Variants in GALNT13 observed in about 807,000 individuals in gnomAD.
The protein encoded by GALNT13 is UDP-GalNAc:polypeptide N-acetylgalactosaminyltransferase 13.
GALNT13 carries 28 observed loss-of-function variants against 64.2 expected under a neutral mutation model. That is an observed-to-expected ratio of 0.44 (90% confidence interval 0.32 to 0.60). GALNT13 has a LOEUF of 0.60. Among genes scored for constraint, GALNT13 ranks in the 20% least tolerant of loss-of-function variants. The pLI is 0.05. For missense variants in GALNT13, 577 were observed against 669.8 expected (o/e 0.86, Z 1.53); for synonymous variants, 214 against 224.6 (o/e 0.95, Z 0.42).
chr2:153,191,556 G>A, the GALNT13 span, among the ~76,000 whole-genome samples: 2 of 151,988 alleles, frequency 1.3e-5, no homozygotes, highest in African/African-American at 4.8e-5. Context: ...GTCTGGTTTT[G>A]GTAGTAGGTT....
At chr2:153,167,942 C>T in the GALNT13 span, among the ~76,000 whole-genome samples, 25 of 152,198 alleles carry the variant, frequency 1.6e-4, no homozygotes, top group Admixed American at 6.5e-5. Flanking sequence ...GTTCTCAGGG[C>T]GAGAAACCAA....
At chr2:153,274,569 T>C in the GALNT13 span, among the ~76,000 whole-genome samples, 1 of 152,198 alleles carries the variant, frequency 6.6e-6, no homozygotes, top group Non-Finnish European at 1.5e-5. Context: ...TTGACACTGC[T>C]GTATATGCTG....
the GALNT13 span, among the ~76,000 whole-genome samples, chr2:153,719,821 A>G: frequency 4.4e-4 from 67 of 151,460 alleles, no homozygotes; most frequent in Admixed American, 3.2e-3. Context: ...CGCCCACGGA[A>G]TCTCGCTGAT....
intron 4 of GALNT13, among the ~76,000 whole-genome samples, chr2:154,165,625 T>C (rs985640104): frequency 2.6e-5 from 4 of 152,170 alleles, no homozygotes; most frequent in Non-Finnish European, 4.4e-5. Flanking sequence ...CAATTTAACT[T>C]AATAGGAATA....
At chr2:153,425,695 A>G in the GALNT13 span, among the ~76,000 whole-genome samples, 1 of 151,916 alleles carries the variant, frequency 6.6e-6, no homozygotes, top group Non-Finnish European at 1.5e-5. Context: ...CTATACATGT[A>G]AAAAGTAAAT....
At chr2:154,248,401 A>C (rs1321926011) in intron 7 of GALNT13, among the ~76,000 whole-genome samples, 1 of 152,076 alleles carries the variant, frequency 6.6e-6, no homozygotes, top group African/African-American at 2.4e-5. Flanking sequence ...ATTTTCCTTT[A>C]ATCAGTAATA....
chr2:153,181,181 AT>A, the GALNT13 span, among the ~76,000 whole-genome samples: 3 of 151,292 alleles, frequency 2.0e-5, no homozygotes, highest in Non-Finnish European at 4.4e-5. Flanking sequence ...ATTTTGCTGC[AT>A]CCCATAACTT....
At chr2:153,599,812 A>G in the GALNT13 span, among the ~76,000 whole-genome samples, 1 of 151,920 alleles carries the variant, frequency 6.6e-6, no homozygotes, top group Non-Finnish European at 1.5e-5. Context: ...TAATTTATGC[A>G]TCTCCTTGTT....
chr2:153,743,344 AC>A, the GALNT13 span, among the ~76,000 whole-genome samples: 7 of 152,120 alleles, frequency 4.6e-5, no homozygotes, highest in Non-Finnish European at 1.0e-4. Context: ...TGTGAATAGT[AC>A]TGCAATGAAC....
chr2:154,009,991 A>G (rs1235903341), intron 3 of GALNT13, among the ~76,000 whole-genome samples: 1 of 152,082 alleles, frequency 6.6e-6, no homozygotes, highest in Non-Finnish European at 1.5e-5. Context: ...AATGTTACTG[A>G]GTTTTATACA....
intron 3 of GALNT13, among the ~76,000 whole-genome samples, chr2:154,026,912 C>T (rs567735481): frequency 2.6e-5 from 4 of 152,044 alleles, no homozygotes; most frequent in Non-Finnish European, 4.4e-5. Context: ...ATCGAGCATC[C>T]GGAGAAGGAA....
At chr2:153,633,745 G>C in the GALNT13 span, among the ~76,000 whole-genome samples, 4 of 152,070 alleles carry the variant, frequency 2.6e-5, no homozygotes, top group African/African-American at 9.7e-5. Context: ...CCCAATCTTT[G>C]GAACTGTGAT....
chr2:154,284,505 C>T (rs1692146130), intron 8 of GALNT13, among the ~76,000 whole-genome samples: 1 of 135,752 alleles, frequency 7.4e-6, no homozygotes, highest in South Asian at 2.3e-4. Context: ...ATATATGTAT[C>T]TGTATACATA....
the GALNT13 span, among the ~76,000 whole-genome samples, chr2:153,739,256 C>A: frequency 6.6e-6 from 1 of 151,720 alleles, no homozygotes; most frequent in South Asian, 2.1e-4. Context: ...ATTACTATTA[C>A]CATCACAAAG....
chr2:154,258,170 T>G (rs1433973682), intron 7 of GALNT13, among the ~76,000 whole-genome samples: 1 of 152,186 alleles, frequency 6.6e-6, no homozygotes, highest in Non-Finnish European at 1.5e-5. Flanking sequence ...TAATTTGCAC[T>G]GCTTTTATAT....
chr2:154,148,456 G>A (rs1229764329), intron 4 of GALNT13, among the ~76,000 whole-genome samples: 1 of 152,166 alleles, frequency 6.6e-6, no homozygotes, highest in African/African-American at 2.4e-5. Context: ...TGGGATGGCT[G>A]AGTCAAATGG....
At chr2:153,229,598 GTTC>G in the GALNT13 span, among the ~76,000 whole-genome samples, 2 of 152,064 alleles carry the variant, frequency 1.3e-5, no homozygotes, top group Non-Finnish European at 2.9e-5. Context: ...ATTTTTGGTT[GTTC>G]TTTTATTACA....
intron 1 of GALNT13, among the ~76,000 whole-genome samples, chr2:153,899,935 A>ATATTT (rs1292303932): frequency 1.0e-5 from 1 of 98,170 alleles, no homozygotes; most frequent in Non-Finnish European, 1.9e-5. Context: ...ATATATATAT[A>ATATTT]TTTTTTTTTT....
intron 2 of GALNT13, among the ~76,000 whole-genome samples, chr2:153,917,128 A>T (rs1312885470): frequency 6.7e-6 from 1 of 148,962 alleles, no homozygotes; most frequent in Non-Finnish European, 1.5e-5. Flanking sequence ...AATTCTGTGC[A>T]TTTTTTTTTT....
Sources: gnomAD v4.1 joint callset for allele counts (sites outside exome capture counted in the v4.1 genomes callset) on GRCh38, gnomAD v4.1.1 for gene constraint, MANE v1.5 for transcripts, NCBI Gene and HGNC (gene_info 2026-07-23, HGNC 2026-07-21) for gene names.